Variants in ZBTB14 observed in about 807,000 individuals in gnomAD.
ZBTB14 encodes zinc finger and BTB domain-containing protein 14.
Under a neutral mutation model 29.5 loss-of-function variants are expected in ZBTB14, and 8 were observed. The ratio of observed to expected loss-of-function variants is 0.27; its 90% CI spans 0.16 to 0.49. The LOEUF is 0.49. ZBTB14 is among the 20% of genes least tolerant of loss of function. The probability of loss-of-function intolerance (pLI) is 0.99; values close to 1 mark genes in which losing one functional copy is unlikely to be tolerated. For missense variants in ZBTB14, 333 were observed against 563.8 expected, an observed-to-expected ratio of 0.59 and a Z score of 4.15; for synonymous variants, 226 against 207.2, an observed-to-expected ratio of 1.09 and a Z score of -0.78.
At chr18:5,293,932 G>A (rs931878849) in intron 2 of ZBTB14, 40 bp downstream of exon 2, 2 of 152,186 alleles carry the variant, frequency 1.3e-5, no homozygotes, top group Non-Finnish European at 2.9e-5. Flanking sequence ...TACAATAAGG[G>A]TGAAAGAATT....
rs749364948 is a variant in ZBTB14, at chr18:5,291,710, G to A, written c.498C>T (p.Ile166=). 7.2e-5 allele frequency: 116 copies of A among 1,613,906 alleles called. 2 individuals are homozygous for A. The Admixed American group carries it at 1.7e-3, about 24-fold the overall frequency. ...ADTQDDDVEE[I]GDQDDSPSDD... ...CAGAAGGACTGTCATCCTGATCCCC[G>A]ATTTCCTCTACATCATCATCCTGGG... The change falls in exon 4 of 4, where the codon ATC becomes ATT. Residue 166 remains isoleucine (I), a synonymous_variant. Transcript: ENST00000651870. This position sits in a 1 kb window ranked among gnomAD's most constrained non-coding sequence, Gnocchi z 5.8.
In ZBTB14 at chr18:5,290,110, A is replaced by T. The variant is rs774791839; in HGVS notation, c.*748T>A. Reference sequence around the variant, plus strand: ...GGTCCACTCACAAATCGCAGCTGGTATGGACTGGTACTGCCCCAAATAAGA... The same window carrying T: ...GGTCCACTCACAAATCGCAGCTGGTTTGGACTGGTACTGCCCCAAATAAGA... On this transcript the variant is annotated 3_prime_UTR_variant, in exon 4 of 4. Coordinates refer to ENST00000651870, the MANE Select transcript of ZBTB14 (RefSeq NM_001243702.2). 6.6e-6 allele frequency: 1 copy of T among 152,176 alleles called. No homozygotes were observed. Among genetic ancestry groups the T allele is most frequent in the Non-Finnish European group, 1.5e-5 (1 of 68,030 alleles). The allele number at this position is 152,176 out of a possible 1,614,324, so 9.4% of individuals were successfully genotyped here.
chr18:5,296,367 C>T (rs561025587), upstream of ZBTB14, among the ~76,000 whole-genome samples: 2 of 150,358 alleles, frequency 1.3e-5, no homozygotes, highest in Non-Finnish European at 1.5e-5. Context: ...CTCAAGCTCC[C>T]TCCCGCCCTG....
intron 2 of ZBTB14, among the ~76,000 whole-genome samples, 157 bp downstream of exon 2, chr18:5,293,815 G>C (rs978559451): frequency 6.6e-5 from 10 of 152,150 alleles, no homozygotes; most frequent in Admixed American, 6.5e-4. Flanking sequence ...GGGAGGAGAG[G>C]GAACAATGAT....
At chr18:5,294,074 G>T (rs984665258) in intron 1 of ZBTB14, 73 bp from the exon 2 acceptor site, 3 of 152,214 alleles carry the variant, frequency 2.0e-5, no homozygotes, top group African/African-American at 7.2e-5. Flanking sequence ...AGGAGCAAAG[G>T]ACTGGGCTGT....
At chr18:5,293,458 CAGGT>C in intron 2 of ZBTB14, 131 bp from the exon 3 acceptor site, 1 of 569,118 alleles carries the variant, frequency 1.8e-6, no homozygotes, top group South Asian at 2.4e-5. Context: ...GGGAGAGTGG[CAGGT>C]AGGTAGCTGG....
Position 5,289,654 on chromosome 18 carries a change from A to G in ZBTB14, c.*1204T>C, listed in dbSNP as rs1358840399. The G allele has an allele frequency of 2.6e-5, 4 of 152,372 alleles. No homozygotes were observed. The highest frequency in any genetic ancestry group is 7.2e-5 in the African/African-American group (3 of 41,464). The allele number at this position is 152,372 out of a possible 1,614,324, so 9.4% of individuals were successfully genotyped here. Reference sequence around the variant, plus strand: ...TTAAAACTGTAACCAGTGATGAAATATATTTCGAAAACATAAACATTTGGT... The same window carrying G: ...TTAAAACTGTAACCAGTGATGAAATGTATTTCGAAAACATAAACATTTGGT... On this transcript the variant is annotated 3_prime_UTR_variant, in exon 4 of 4. Coordinates refer to ENST00000651870, the MANE Select transcript of ZBTB14 (RefSeq NM_001243702.2).
At position 5,291,560 on chromosome 18, in the gene ZBTB14, G is replaced by A. The variant is rs754494347; in HGVS notation, c.648C>T (p.Tyr216=). 26 of 1,613,886 alleles carry A rather than the reference G, an allele frequency of 1.6e-5. No homozygotes were observed. The highest frequency in any genetic ancestry group is 1.6e-4 in the Middle Eastern group (1 of 6,062). The part of the protein sequence containing the change: ...GSEEVRKVNC[Y]GQEVESMETP... ...TCTCCATGGATTCTACTTCCTGGCC[G>A]TAGCAATTGACCTTCCGAACTTCCT... Residue 216 remains tyrosine, a synonymous_variant, in exon 4 of 4, where the codon TAC becomes TAT. Coordinates refer to ENST00000651870, the MANE Select transcript of ZBTB14 (RefSeq NM_001243702.2). The surrounding 1 kb of genome is among the most constrained non-coding windows in gnomAD (Gnocchi z 5.8).
chr18:5,294,886 G>A (rs955769825), intron 1 of ZBTB14: 1 of 152,204 alleles, frequency 6.6e-6, no homozygotes, highest in African/African-American at 2.4e-5. Flanking sequence ...TGCAACTTCG[G>A]AGTCGGGAGG....
rs2071861208 is a variant in ZBTB14 at position 5,293,325 on chromosome 18, G to A, written c.-79C>T. ...AGTAACTCTGATCAGGAGCACGCCA[G>A]ACCTACAGAGGAAAGGATAAACAAG... On this transcript the variant is annotated splice_region_variant and 5_prime_UTR_variant, in exon 3 of 4. Transcript: ENST00000651870. 2 of 1,439,976 alleles carry A rather than the reference G, an allele frequency of 1.4e-6. No individual in the cohort carries two copies. The highest frequency in any genetic ancestry group is 2.3e-5 in the East Asian group (1 of 43,576). 89.2% of individuals were successfully genotyped at this position (1,439,976 alleles called of 1,614,324 possible). A position where few individuals can be genotyped will look rare whatever the true frequency, so the allele number is the denominator to read the frequency against.
In ZBTB14 at chr18:5,292,377, A is replaced by G. The variant is rs539457880; in HGVS notation, c.4-173T>C. Reference sequence around the variant, plus strand: ...GACTGATCCCAACTCAAGGATCTCCATATTGTTACTCCTGTTCATCTTCAA... The same window carrying G: ...GACTGATCCCAACTCAAGGATCTCCGTATTGTTACTCCTGTTCATCTTCAA... On this transcript the variant is annotated intron_variant, in intron 3 of 3. Transcript: ENST00000651870. Among the ~76,000 whole-genome samples the G allele has an allele frequency of 3.3e-5, 5 of 152,332 alleles. No homozygotes were observed. In the South Asian group the frequency reaches 1.0e-3, roughly 32 times the overall value.
At chr18:5,294,425 G>A (rs12955185) in intron 1 of ZBTB14, among the ~76,000 whole-genome samples, 6,883 of 152,266 alleles carry the variant, frequency 0.045, 209 homozygotes, top group Non-Finnish European at 0.065. Context: ...CCAGAGAGAG[G>A]AGTGGCCTTA....
intron 3 of ZBTB14, 77 bp downstream of exon 3, chr18:5,293,167 A>G: frequency 6.7e-7 from 1 of 1,482,574 alleles, no homozygotes; most frequent in Non-Finnish European, 9.2e-7. Context: ...TTCATGCACA[A>G]TCAGAATTGG....
chr18:5,292,356 G>A (rs2071836193), intron 3 of ZBTB14, 152 bp from the exon 4 acceptor site: 3 of 649,198 alleles, frequency 4.6e-6, no homozygotes, highest in African/African-American at 1.9e-5. Flanking sequence ...AGAAAAGACT[G>A]ATCCCAACTC....
chr18:5,295,311 G>A (rs1205761104), intron 1 of ZBTB14, among the ~76,000 whole-genome samples: 1 of 144,094 alleles, frequency 6.9e-6, no homozygotes, highest in Admixed American at 6.8e-5. Flanking sequence ...CGCGCGGCCG[G>A]CTAACCCAAG....
Position 5,292,149 on chromosome 18 carries a change from G to C in ZBTB14, c.59C>G (p.Thr20Ser). ...TTCATTTAGTGTTTTCAGAAACAGA[G>C]TTTTATGATCATCGTCATTATATTT... ...TIKYNDDDHK[T>S]LFLKTLNEQR... Residue 20 changes from threonine to serine, a missense_variant, in exon 4 of 4, where the codon ACT becomes AGT. Physicochemically the swap from Thr to Ser is moderately conservative, Grantham distance 58. This residue lies in a region of ZBTB14 where 67 missense variants were observed against 157.0 expected (regional missense o/e 0.43). Coordinates refer to ENST00000651870, the MANE Select transcript of ZBTB14 (RefSeq NM_001243702.2). 6.3e-7 allele frequency: 1 copy of C among 1,593,050 alleles called. No individual in the cohort carries two copies.
Position 5,291,641 on chromosome 18 carries a change from C to T in ZBTB14, c.567G>A (p.Lys189=). ...EGTPPSQEDG[K]SPTTTLRVQE... ...GAACCCTGAGCGTTGTGGTGGGCGACTTGCCGTCCTCCTGACTCGGGGGTG... is the reference window on the plus strand; with the variant it reads ...GAACCCTGAGCGTTGTGGTGGGCGATTTGCCGTCCTCCTGACTCGGGGGTG... The change falls in exon 4 of 4, where the codon AAG becomes AAA. Residue 189 remains lysine, a synonymous_variant. Transcript: ENST00000651870. The surrounding 1 kb of genome is among the most constrained non-coding windows in gnomAD (Gnocchi z 5.8). The T allele has an allele frequency of 6.2e-7, 1 of 1,614,056 alleles. No homozygotes were observed. Among genetic ancestry groups the T allele is most frequent in the Non-Finnish European group, 8.5e-7 (1 of 1,180,036 alleles).
chr18:5,294,382 G>C (rs1206842175), intron 1 of ZBTB14, among the ~76,000 whole-genome samples: 1 of 152,124 alleles, frequency 6.6e-6, no homozygotes, highest in Non-Finnish European at 1.5e-5. Context: ...TCACTAACTC[G>C]TCCTAGGGCT....
chr18:5,290,218 G>A lies in ZBTB14; in HGVS notation c.*640C>T, dbSNP rs187456727. ...TTAGGATGTGTGACTACAGCTTTTGGGTAGGTACAGGGCAATCAAGATTGA... is the reference window on the plus strand; with the variant it reads ...TTAGGATGTGTGACTACAGCTTTTGAGTAGGTACAGGGCAATCAAGATTGA... On this transcript the variant is annotated 3_prime_UTR_variant, in exon 4 of 4. Coordinates refer to ENST00000651870, the MANE Select transcript of ZBTB14 (RefSeq NM_001243702.2). 2 of 152,204 alleles carry A rather than the reference G, an allele frequency of 1.3e-5. No homozygotes were observed. The highest frequency in any genetic ancestry group is 3.9e-4 in the East Asian group (2 of 5,176). 9.4% of individuals were successfully genotyped at this position (152,204 alleles called of 1,614,324 possible).
Sources: allele counts gnomAD v4.1 joint callset (sites outside exome capture counted in the v4.1 genomes callset), GRCh38; gene constraint gnomAD v4.1.1; regional missense constraint gnomAD v4.1.1; non-coding constraint Gnocchi (gnomAD v3.1); transcripts MANE v1.5; gene names NCBI Gene and HGNC (gene_info 2026-07-23, HGNC 2026-07-21).